Variants in DICER1 observed in about 807,000 individuals in gnomAD.
DICER1 encodes dicer 1, ribonuclease III, also known as endoribonuclease Dicer.
DICER1 carries 43 observed loss-of-function variants against 194.1 expected under a neutral mutation model. The observed-to-expected ratio is 0.22, with a 90% CI of 0.17 to 0.29. The LOEUF is 0.29. DICER1 is among the 10% of genes least tolerant of loss of function. The pLI, the probability that DICER1 is intolerant of heterozygous loss-of-function variation, is 1.00. For synonymous variants in DICER1, 832 were observed against 820.5 expected (o/e 1.01, Z -0.24); for missense variants, 1,608 against 2,317.0 (o/e 0.69, Z 6.28).
chr14:95,112,331 C>T (rs1892052068), intron 12 of DICER1, 84 bp from the exon 13 acceptor site: 6 of 1,109,880 alleles, frequency 5.4e-6, no homozygotes, highest in Non-Finnish European at 8.2e-6. Context: ...AACCACTGCC[C>T]CAACATTTTT....
At chr14:95,122,128 C>T (rs1892983413) in intron 8 of DICER1, among the ~76,000 whole-genome samples, 1 of 152,160 alleles carries the variant, frequency 6.6e-6, no homozygotes, top group African/African-American at 2.4e-5. Flanking sequence ...ATTCATCATA[C>T]AGCACTAAAT....
At chr14:95,109,157 A>T (rs535190355) in intron 14 of DICER1, among the ~76,000 whole-genome samples, 5 of 152,322 alleles carry the variant, frequency 3.3e-5, no homozygotes, top group Admixed American at 2.0e-4. Flanking sequence ...AGCCAATATC[A>T]TCATTTGTAA....
intron 1 of DICER1, among the ~76,000 whole-genome samples, chr14:95,134,160 C>A (rs190665057): frequency 5.1e-4 from 78 of 152,306 alleles, no homozygotes; most frequent in Admixed American, 1.4e-3. Context: ...TCTCAATTGA[C>A]AACCTATTAT....
chr14:95,099,987 T>C, intron 21 of DICER1, 52 bp from the exon 22 acceptor site: 1 of 1,595,996 alleles, frequency 6.3e-7, no homozygotes. Context: ...CTGCTGGAAT[T>C]CATTCAAGGC....
intron 8 of DICER1, among the ~76,000 whole-genome samples, chr14:95,122,826 C>T (rs1430828928): frequency 1.3e-5 from 2 of 152,180 alleles, no homozygotes; most frequent in Admixed American, 1.3e-4. Context: ...AATTACCAGA[C>T]TAAAAACTGC....
chr14:95,132,775 T>C (rs1489265598), intron 2 of DICER1, 98 bp from the exon 3 acceptor site: 1 of 1,201,020 alleles, frequency 8.3e-7, no homozygotes, highest in East Asian at 2.5e-5. Context: ...CACTATTCTC[T>C]AAAATCGTCC....
intron 8 of DICER1, among the ~76,000 whole-genome samples, chr14:95,123,751 C>T (rs970548214): frequency 1.4e-4 from 21 of 152,244 alleles, no homozygotes; most frequent in South Asian, 1.0e-3. Context: ...AAAAAATCAA[C>T]ATTAAAAAAT....
At chr14:95,155,179 G>A (rs1222479854) in intron 1 of DICER1, among the ~76,000 whole-genome samples, 7 of 152,136 alleles carry the variant, frequency 4.6e-5, no homozygotes, top group Non-Finnish European at 1.0e-4. Context: ...GTCACAGTGA[G>A]GATTAGAAGA....
At chr14:95,129,306 C>T in intron 6 of DICER1, 166 bp downstream of exon 6, 1 of 624,122 alleles carries the variant, frequency 1.6e-6, no homozygotes, top group South Asian at 2.0e-5. Flanking sequence ...GATTCTTGAA[C>T]TCACAGGTAA....
intron 1 of DICER1, among the ~76,000 whole-genome samples, chr14:95,147,993 G>C (rs560513090): frequency 1.3e-4 from 20 of 152,356 alleles, no homozygotes; most frequent in Non-Finnish European, 2.1e-4. Context: ...GAGGCCAGCA[G>C]TTCGAGACCG....
At chr14:95,132,785 C>T in intron 2 of DICER1, 108 bp from the exon 3 acceptor site, 1 of 1,129,106 alleles carries the variant, frequency 8.9e-7, no homozygotes, top group Admixed American at 2.0e-5. Context: ...TAAAATCGTC[C>T]TCCAATAAAT....
chr14:95,148,969 C>T (rs1895326983), intron 1 of DICER1, among the ~76,000 whole-genome samples: 1 of 143,436 alleles, frequency 7.0e-6, no homozygotes, highest in African/African-American at 3.0e-5. Flanking sequence ...GGGTCTCACT[C>T]TGTCTATTTA....
intron 1 of DICER1, among the ~76,000 whole-genome samples, chr14:95,139,390 A>T (rs932141266): frequency 6.6e-6 from 1 of 152,248 alleles, no homozygotes; most frequent in Non-Finnish European, 1.5e-5. Context: ...AGGACATGGT[A>T]AACAAAAACT....
chr14:95,138,978 A>AAT (rs1894635388), intron 1 of DICER1, among the ~76,000 whole-genome samples: 2 of 101,928 alleles, frequency 2.0e-5, no homozygotes, highest in African/African-American at 4.5e-5. Context: ...AAAAAAAATA[A>AAT]AAATAAATAA....
intron 1 of DICER1, chr14:95,140,582 G>A (rs1894768401): frequency 6.6e-6 from 1 of 152,178 alleles, no homozygotes; most frequent in African/African-American, 2.4e-5. Flanking sequence ...AGCAATGCAT[G>A]ACTGTAATTT....
At position 95,130,227 on chromosome 14, in the gene DICER1, C is replaced by T. The variant is rs766950288; in HGVS notation, c.439-35G>A. The T allele has an allele frequency of 1.4e-5, 23 of 1,597,626 alleles. No homozygotes were observed. The African/African-American group carries it at 2.8e-4, about 20-fold the overall frequency. On this transcript the variant is annotated intron_variant, in intron 4 of 26. Coordinates refer to ENST00000343455, the MANE Select transcript of DICER1 (RefSeq NM_177438.3). The stretch of plus-strand genomic sequence containing the variant: ...AATCAACATCAGTAAACAAACATAG[C>T]ATTCACTGCCTGGATATACTTACAT...
rs1479149167 is a variant in DICER1 at position 95,130,054 on chromosome 14, T to C, written c.573+4A>G. The C allele has an allele frequency of 6.2e-7, 1 of 1,613,042 alleles. No individual in the cohort carries two copies. The highest frequency in any genetic ancestry group is 1.1e-5 in the South Asian group (1 of 91,026). On this transcript the variant is annotated splice_donor_region_variant and intron_variant, in intron 5 of 26. Coordinates refer to ENST00000343455, the MANE Select transcript of DICER1 (RefSeq NM_177438.3). ...AATTACTAAGACTTAGGTCTAAAAC[T>C]TACCTTCATAATTTCTCGATAGGGG...
chr14:95,107,435 A>G (rs1891528384), intron 17 of DICER1, among the ~76,000 whole-genome samples, 173 bp downstream of exon 17: 1 of 152,086 alleles, frequency 6.6e-6, no homozygotes, highest in South Asian at 2.1e-4. Flanking sequence ...TATTTTTAGT[A>G]GAGACGAGGT....
rs2140031404 is a variant in DICER1, at chr14:95,108,341, C to T, written c.2419G>A (p.Ala807Thr). ...ATACCTACCTGAGGTATGGGTTTGG[C>T]CGTCAGTATTCCAAAGCATCTTGTG... Reference protein sequence around the residue: ...DTTRCFGILTAKPIPQIPHFP... With the variant: ...DTTRCFGILTTKPIPQIPHFP... The change falls in exon 15 of 27, where the codon GCC (alanine) becomes ACC (threonine). Residue 807 changes from alanine (A) to threonine (T), a missense_variant. Transcript: ENST00000343455. 6.2e-7 allele frequency: 1 copy of T among 1,613,672 alleles called. No homozygotes were observed. The highest frequency in any genetic ancestry group is 8.5e-7 in the Non-Finnish European group (1 of 1,179,948).
Sources: allele counts gnomAD v4.1 joint callset (sites outside exome capture counted in the v4.1 genomes callset), GRCh38; gene constraint gnomAD v4.1.1; transcripts MANE v1.5; gene names NCBI Gene and HGNC (gene_info 2026-07-23, HGNC 2026-07-21).